GALNT16: variants seen among roughly 807,000 people sequenced by gnomAD.
The protein encoded by GALNT16 is UDP-GalNAc:polypeptide N-acetylgalactosaminyltransferase-like protein 1.
GALNT16 carries 40 observed loss-of-function variants against 76.1 expected under a neutral mutation model. The ratio of observed to expected loss-of-function variants is 0.53; its 90% CI spans 0.41 to 0.68. GALNT16 has a LOEUF of 0.68. GALNT16 is among the 30% of genes least tolerant of loss of function. The pLI is 0.00. For synonymous variants in GALNT16, 276 were observed against 285.2 expected, an observed-to-expected ratio of 0.97 and a Z score of 0.32; for missense variants, 621 against 731.9, an observed-to-expected ratio of 0.85 and a Z score of 1.75.
intron 2 of GALNT16, among the ~76,000 whole-genome samples, chr14:69,321,411 G>A (rs773974207): frequency 2.6e-5 from 4 of 152,196 alleles, no homozygotes; most frequent in East Asian, 1.9e-4. Context: ...CTCAGTGTGC[G>A]TGACCGGCCT....
rs750921251 is a variant in GALNT16 at position 69,333,587 on chromosome 14, G to A, written c.954G>A (p.Gly318=). Residue 318 remains glycine, a synonymous_variant, in exon 9 of 15, where the codon GGG becomes GGA. Coordinates refer to ENST00000448469, the MANE Select transcript of GALNT16 (RefSeq NM_001168368.2). The surrounding 1 kb of genome is among the most constrained non-coding windows in gnomAD (Gnocchi z 4.2). ...GKYDAQMDIW[G]GENFELSFRV... is the part of the protein sequence containing the mutation. Reference sequence around the variant, plus strand: ...ATGATGCCCAGATGGACATCTGGGGGGGAGAGAATTTTGGTGAGTTGGGAA... The same window carrying A: ...ATGATGCCCAGATGGACATCTGGGGAGGAGAGAATTTTGGTGAGTTGGGAA... 41 of 1,556,738 alleles carry A rather than the reference G, an allele frequency of 2.6e-5. No homozygotes were observed. Among genetic ancestry groups the A allele is most frequent in the Non-Finnish European group, 3.4e-5 (38 of 1,132,962 alleles).
At position 69,260,495 on chromosome 14, in the gene GALNT16, C is replaced by G. The variant is rs200338958; in HGVS notation, c.177+28C>G. 5.2e-6 allele frequency: 7 copies of G among 1,341,112 alleles called. No homozygotes were observed. The Admixed American group carries it at 1.1e-4, about 22-fold the overall frequency. The allele number at this position is 1,341,112 out of a possible 1,614,324, so 83.1% of individuals were successfully genotyped here. ...GAGTACGCCCCGAGCGTCGGCCGGC[C>G]GGCTAGGGAGCCGCGGCGCGCGTCC... On this transcript the variant is annotated intron_variant, in intron 1 of 14. Coordinates refer to ENST00000448469, the MANE Select transcript of GALNT16 (RefSeq NM_001168368.2).
At chr14:69,342,426 G>T (rs1296214) in intron 12 of GALNT16, among the ~76,000 whole-genome samples, 8 of 130,106 alleles carry the variant, frequency 6.1e-5, no homozygotes, top group African/African-American at 2.0e-4. Context: ...AAGAGGGAAG[G>T]TGAGGGGAGG....
chr14:69,302,461 TC>T (rs2044867629), intron 1 of GALNT16, among the ~76,000 whole-genome samples: 3 of 152,236 alleles, frequency 2.0e-5, no homozygotes, highest in Non-Finnish European at 4.4e-5. Context: ...TTATGTAATA[TC>T]TATTTTATGA....
chr14:69,357,240 C>G (rs923724646), downstream of GALNT16: 1 of 152,258 alleles, frequency 6.6e-6, no homozygotes, highest in Non-Finnish European at 1.5e-5. Context: ...TTGGTGCTCT[C>G]TCTCCAGAAG....
chr14:69,325,259 C>A, intron 3 of GALNT16, 78 bp from the exon 4 acceptor site: 1 of 904,654 alleles, frequency 1.1e-6, no homozygotes, highest in Non-Finnish European at 1.9e-6. Flanking sequence ...GCTGGGGAGT[C>A]CCACGGCCCC....
chr14:69,335,333 G>A (rs1399867907), intron 9 of GALNT16, among the ~76,000 whole-genome samples: 6 of 152,212 alleles, frequency 3.9e-5, no homozygotes, highest in Non-Finnish European at 7.3e-5. Flanking sequence ...GTTCAGAGAA[G>A]TAAATTCTGG....
chr14:69,324,653 C>A, intron 2 of GALNT16, 39 bp from the exon 3 acceptor site: 1 of 1,128,626 alleles, frequency 8.9e-7, no homozygotes, highest in Non-Finnish European at 1.3e-6. Flanking sequence ...CCTGAGGATG[C>A]CCTCATGGCT....
chr14:69,325,355 T>C lies in GALNT16; in HGVS notation c.453T>C (p.Pro151=), dbSNP rs752934549. The change falls in exon 4 of 15, where the codon CCT becomes CCC. Residue 151 remains proline, a synonymous_variant. Transcript: ENST00000448469. ...ACTGTAGTGTCCTGAACCGAACTCC[T>C]GCCAACTTGATCCAGGAGATCATTT... The part of the protein sequence containing the change: ...RTVKSVLNRT[P]ANLIQEIILV... The C allele has an allele frequency of 6.2e-7, 1 of 1,603,560 alleles. No homozygotes were observed. The highest frequency in any genetic ancestry group is 1.1e-5 in the South Asian group (1 of 90,876).
In GALNT16 at chr14:69,333,569, C is replaced by T; in HGVS notation, c.936C>T (p.Ala312=). The T allele has an allele frequency of 6.3e-7, 1 of 1,597,616 alleles. No homozygotes were observed. The highest frequency in any genetic ancestry group is 8.6e-7 in the Non-Finnish European group (1 of 1,168,576). Reference sequence around the variant, plus strand: ...TTAACCACTTGGGAAAGTATGATGCCCAGATGGACATCTGGGGGGGAGAGA... The same window carrying T: ...TTAACCACTTGGGAAAGTATGATGCTCAGATGGACATCTGGGGGGGAGAGA... ...SWFNHLGKYD[A]QMDIWGGENF... Residue 312 remains alanine (A), a synonymous_variant, in exon 9 of 15, where the codon GCC becomes GCT. Transcript: ENST00000448469. This position sits in a 1 kb window ranked among gnomAD's most constrained non-coding sequence, Gnocchi z 4.2.
At chr14:69,270,133 T>A (rs1455231656) in intron 1 of GALNT16, among the ~76,000 whole-genome samples, 1 of 152,012 alleles carries the variant, frequency 6.6e-6, no homozygotes, top group African/African-American at 2.4e-5. Context: ...CCCCACAGCT[T>A]CTCCTCTGTT....
At chr14:69,320,147 A>C (rs1010466761) in intron 1 of GALNT16, among the ~76,000 whole-genome samples, 6 of 152,250 alleles carry the variant, frequency 3.9e-5, no homozygotes, top group African/African-American at 7.2e-5. Flanking sequence ...CGGAATGACC[A>C]GTTTAAATCC....
In GALNT16 at chr14:69,343,562, A is replaced by G. The variant is rs116415838; in HGVS notation, c.1271+1798A>G. 2.5e-3 allele frequency among the ~76,000 whole-genome samples: 378 copies of G among 152,344 alleles called. 2 individuals carry two copies. The highest frequency in any genetic ancestry group is 8.3e-3 in the African/African-American group (347 of 41,576). On this transcript the variant is annotated intron_variant, in intron 12 of 14. Coordinates refer to ENST00000448469, the MANE Select transcript of GALNT16 (RefSeq NM_001168368.2). The stretch of plus-strand genomic sequence containing the variant: ...AAGAACATTAATTTATGAAAATGCA[A>G]CTTCCTGAAGTGGTCACTTCTAGGG...
At chr14:69,361,664 C>G (rs545588551), downstream of GALNT16, among the ~76,000 whole-genome samples, 1 of 152,286 alleles carries the variant, frequency 6.6e-6, no homozygotes, top group African/African-American at 2.4e-5. Context: ...GTTGGTTCCA[C>G]AATCATCATT....
the GALNT16 span, among the ~76,000 whole-genome samples, chr14:69,372,640 C>T: frequency 2.0e-5 from 3 of 151,806 alleles, no homozygotes; most frequent in Non-Finnish European, 4.4e-5. Context: ...GGATTACAGG[C>T]GCATGCCACC....
At chr14:69,385,465 TC>T in the GALNT16 span, among the ~76,000 whole-genome samples, 3 of 152,160 alleles carry the variant, frequency 2.0e-5, no homozygotes, top group African/African-American at 7.2e-5. Flanking sequence ...TTGCCTGTCC[TC>T]CCTTTTTTAT....
At chr14:69,382,708 G>A in the GALNT16 span, among the ~76,000 whole-genome samples, 22 of 150,870 alleles carry the variant, frequency 1.5e-4, no homozygotes, top group South Asian at 4.2e-4. Flanking sequence ...GCGTGGTGGC[G>A]CGCACCTGTA....
the GALNT16 span, among the ~76,000 whole-genome samples, chr14:69,362,818 AC>A: frequency 1.3e-5 from 2 of 152,332 alleles, no homozygotes; most frequent in East Asian, 3.9e-4. Flanking sequence ...GTCTCCAGCC[AC>A]CAGGGCAAGA....
At chr14:69,360,604 T>TA (rs34205304), downstream of GALNT16, among the ~76,000 whole-genome samples, 74 of 116,256 alleles carry the variant, frequency 6.4e-4, no homozygotes, top group East Asian at 5.4e-3. Context: ...TGAGACTGTC[T>TA]AAAAAAAAAA....
Sources: allele counts gnomAD v4.1 joint callset (sites outside exome capture counted in the v4.1 genomes callset), GRCh38; gene constraint gnomAD v4.1.1; non-coding constraint Gnocchi (gnomAD v3.1); transcripts MANE v1.5; gene names NCBI Gene and HGNC (gene_info 2026-07-23, HGNC 2026-07-21).